The following CPT1A variants were observed in gnomAD, a reference collection of about 807,000 sequenced individuals.
CPT1A encodes carnitine palmitoyltransferase 1A, also known as carnitine O-palmitoyltransferase 1, liver isoform.
Under a neutral mutation model 100.8 loss-of-function variants are expected in CPT1A, and 64 were observed. That is an observed-to-expected ratio of 0.63 (90% confidence interval 0.52 to 0.78). The LOEUF (loss-of-function observed/expected upper bound fraction) is 0.78, where lower values mean the gene tolerates loss of function less well. Ranked by LOEUF, CPT1A falls within the 30% of genes least tolerant of loss-of-function variation. CPT1A has a pLI of 0.00. For synonymous variants in CPT1A, 363 were observed against 396.0 expected (o/e 0.92, Z 0.99); for missense variants, 802 against 1,034.1 (o/e 0.78, Z 3.08).
At chr11:68,763,731 CA>C (rs1179256098) in intron 14 of CPT1A, among the ~76,000 whole-genome samples, 1 of 152,126 alleles carries the variant, frequency 6.6e-6, no homozygotes, top group Non-Finnish European at 1.5e-5. Flanking sequence ...ATGTGGCATT[CA>C]GGGGCATGGA....
chr11:68,820,296 T>C (rs1029214784), intron 1 of CPT1A, among the ~76,000 whole-genome samples: 1 of 151,850 alleles, frequency 6.6e-6, no homozygotes. Context: ...CCTCCCAAAG[T>C]ACCGGGATTA....
rs554525176 is a variant in CPT1A, at chr11:68,780,661, C to A, written c.1437G>T (p.Pro479=). 1.2e-6 allele frequency: 2 copies of A among 1,614,150 alleles called. No individual in the cohort carries two copies. The highest frequency in any genetic ancestry group is 1.1e-5 in the South Asian group (1 of 91,088). The change falls in exon 12 of 19, where the codon CCG becomes CCT. Residue 479 remains proline (P), a synonymous_variant. Transcript: ENST00000265641. ...TCACCTCCCAAAGGTGGGCCACGAT[C>A]GGCGCATCTGCCCAGGAGTGTTCAG... is the stretch of plus-strand genomic sequence containing the variant. ...LNAEHSWADA[P]IVAHLWEYVM... is the part of the protein sequence containing the mutation.
chr11:68,768,804 C>T (rs1266815966), intron 14 of CPT1A, among the ~76,000 whole-genome samples: 3 of 152,274 alleles, frequency 2.0e-5, no homozygotes, highest in Non-Finnish European at 2.9e-5. Context: ...TATTCTTCCC[C>T]GATGCATGTT....
chr11:68,774,140 G>T (rs1407083442), intron 13 of CPT1A, among the ~76,000 whole-genome samples: 2 of 152,190 alleles, frequency 1.3e-5, no homozygotes, highest in Non-Finnish European at 1.5e-5. Flanking sequence ...TGGCCGCTTG[G>T]CCCTCTTCCA....
chr11:68,777,221 G>A (rs762169075), intron 12 of CPT1A, among the ~76,000 whole-genome samples: 17 of 152,156 alleles, frequency 1.1e-4, no homozygotes, highest in Non-Finnish European at 2.9e-5. Context: ...TTTGAAGCCA[G>A]GAGTTCGAGA....
At position 68,773,331 on chromosome 11, in the gene CPT1A, G is replaced by A. The variant is rs534666375; in HGVS notation, c.1674C>T (p.Ile558=). The change falls in exon 14 of 19, where the codon ATC becomes ATT. Residue 558 remains isoleucine (I), a synonymous_variant. Transcript: ENST00000265641. The part of the protein sequence containing the change: ...SFPFVAFGKG[I]IKKCRTSPDA... ...CTGGGCTCGTGCGACATTTCTTGAT[G>A]ATTCCTTTACCAAAGGCTACGAATG... The A allele has an allele frequency of 5.0e-6, 8 of 1,614,080 alleles. No individual in the cohort carries two copies.
intron 9 of CPT1A, among the ~76,000 whole-genome samples, chr11:68,792,088 C>T (rs993443402): frequency 1.3e-5 from 2 of 151,988 alleles, no homozygotes; most frequent in Non-Finnish European, 2.9e-5. Context: ...TCTGTAATTC[C>T]AGCACTTTGG....
chr11:68,836,552 C>T (rs866514150), intron 1 of CPT1A, among the ~76,000 whole-genome samples: 1 of 152,052 alleles, frequency 6.6e-6, no homozygotes, highest in African/African-American at 2.4e-5. Context: ...TCAGGCAGAT[C>T]ACCTGAGGTC....
chr11:68,828,163 C>T (rs1856781494), intron 1 of CPT1A, among the ~76,000 whole-genome samples: 1 of 152,194 alleles, frequency 6.6e-6, no homozygotes, highest in Non-Finnish European at 1.5e-5. Context: ...GGTCATCCTG[C>T]CCTCTTTGCC....
chr11:68,785,013 G>A lies in CPT1A; in HGVS notation c.968-3C>T. On this transcript the variant is annotated splice_polypyrimidine_tract_variant and splice_region_variant and intron_variant, in intron 9 of 18. Transcript: ENST00000265641. ...GTCTCTCATGTGCTGGATGGTGTCT[G>A]AGCCGGCCGCAGGTTGGAGACACAA... The A allele has an allele frequency of 6.2e-7, 1 of 1,613,446 alleles. No individual in the cohort carries two copies. The highest frequency in any genetic ancestry group is 8.5e-7 in the Non-Finnish European group (1 of 1,179,998).
chr11:68,762,862 T>G, intron 14 of CPT1A, 101 bp from the exon 15 acceptor site: 1 of 1,480,194 alleles, frequency 6.8e-7, no homozygotes, highest in Non-Finnish European at 9.3e-7. Flanking sequence ...TGGACTTCAT[T>G]GTCAACATTT....
At chr11:68,761,767 C>G in intron 15 of CPT1A, 80 bp from the exon 16 acceptor site, 1 of 1,516,538 alleles carries the variant, frequency 6.6e-7, no homozygotes, top group Non-Finnish European at 9.1e-7. Flanking sequence ...CCACCGCACC[C>G]GGCTAATATT....
Position 68,781,711 on chromosome 11 carries a change from C to G in CPT1A, c.1352+60G>C, listed in dbSNP as rs938282245. The G allele has an allele frequency of 2.2e-5, 31 of 1,431,388 alleles. No individual in the cohort carries two copies. In the Admixed American group the frequency reaches 5.0e-4, roughly 23 times the overall value. 88.7% of individuals were successfully genotyped at this position (1,431,388 alleles called of 1,614,324 possible). A position where few individuals can be genotyped will look rare whatever the true frequency, so the allele number is the denominator to read the frequency against. On this transcript the variant is annotated intron_variant, in intron 11 of 18. Coordinates refer to ENST00000265641, the MANE Select transcript of CPT1A (RefSeq NM_001876.4). ...TACTTAGGGGTGAGTGTCAGGCACA[C>G]AGGGTATTTCTTCCAAGCTCATGGG...
At chr11:68,814,087 G>C (rs996137165) in intron 2 of CPT1A, among the ~76,000 whole-genome samples, 1 of 152,092 alleles carries the variant, frequency 6.6e-6, no homozygotes, top group Non-Finnish European at 1.5e-5. Context: ...CTGGCAGGGG[G>C]GTCAGCGGGG....
In CPT1A at chr11:68,773,357, G is replaced by C; in HGVS notation, c.1648C>G (p.Pro550Ala). 1 of 1,614,224 alleles carries C rather than the reference G, an allele frequency of 6.2e-7. No individual in the cohort carries two copies. The highest frequency in any genetic ancestry group is 8.5e-7 in the Non-Finnish European group (1 of 1,180,038). Residue 550 changes from proline (P) to alanine (A), a missense_variant, in exon 14 of 19, where the codon CCA becomes GCA. Physicochemically the swap from Pro to Ala is conservative, Grantham distance 27 (BLOSUM62 -1). Around this residue, in one of 4 missense-constraint regions of CPT1A, gnomAD observed 627 missense variants for 799.3 expected, o/e 0.78. Transcript: ENST00000265641. The stretch of plus-strand genomic sequence containing the variant: ...ATTCCTTTACCAAAGGCTACGAATG[G>C]GAAGGAATGGAAATCCACGTCGTTT... ...LANDVDFHSF[P>A]FVAFGKGIIK...
chr11:68,828,268 A>G (rs147575470), intron 1 of CPT1A, among the ~76,000 whole-genome samples: 319 of 152,314 alleles, frequency 2.1e-3, no homozygotes, highest in African/African-American at 7.2e-3. Context: ...CCACCTCGCC[A>G]TCGCTGCCAC....
chr11:68,771,316 C>T (rs1854982597), intron 14 of CPT1A, among the ~76,000 whole-genome samples: 1 of 152,164 alleles, frequency 6.6e-6, no homozygotes. Flanking sequence ...ACTCCTAAGT[C>T]CTGCGCTTAC....
chr11:68,818,085 G>A (rs1856483008), intron 1 of CPT1A, among the ~76,000 whole-genome samples: 1 of 152,174 alleles, frequency 6.6e-6, no homozygotes, highest in Admixed American at 6.6e-5. Context: ...GTATGGATGG[G>A]GATGGGGAAG....
chr11:68,764,435 G>A (rs957288495), intron 14 of CPT1A, among the ~76,000 whole-genome samples: 1 of 152,184 alleles, frequency 6.6e-6, no homozygotes, highest in Admixed American at 6.5e-5. Context: ...ACCCAGAAGA[G>A]GGTGCCAGAG....
Sources: gnomAD v4.1 joint callset for allele counts (sites outside exome capture counted in the v4.1 genomes callset) on GRCh38, gnomAD v4.1.1 for gene constraint, gnomAD v4.1.1 regional missense constraint, MANE v1.5 for transcripts, NCBI Gene and HGNC (gene_info 2026-07-23, HGNC 2026-07-21) for gene names.